The following SUPT3H variants were observed in gnomAD, a reference collection of about 807,000 sequenced individuals.
SUPT3H encodes transcription initiation protein SPT3 homolog.
SUPT3H carries 44 observed loss-of-function variants against 44.3 expected under a neutral mutation model. The ratio of observed to expected loss-of-function variants is 0.99; its 90% CI spans 0.78 to 1.28. The LOEUF (loss-of-function observed/expected upper bound fraction) is 1.28. SUPT3H is among the 50% of genes most tolerant of loss of function. The pLI is 0.00. For synonymous variants in SUPT3H, 124 were observed against 125.6 expected (o/e 0.99, Z 0.09); for missense variants, 380 against 387.1 (o/e 0.98, Z 0.15).
chr6:45,053,740 CAAAAAAAA>C (rs57736879), intron 3 of SUPT3H, among the ~76,000 whole-genome samples: 26 of 59,444 alleles, frequency 4.4e-4, no homozygotes, highest in African/African-American at 1.6e-3. Context: ...ACTAAAAATA[CAAAAAAAA>C]AAAAAAAAAA....
At position 45,158,290 on chromosome 6, in the gene SUPT3H, A is replaced by ATTTTTTTTTTT. The variant is rs1562572907; in HGVS notation, c.102-52285_102-52284insAAAAAAAAAAA. Among the ~76,000 whole-genome samples, 2 of 39,788 alleles carry ATTTTTTTTTTT rather than the reference A, an allele frequency of 5.0e-5. 1 individual carries two copies. Among genetic ancestry groups the ATTTTTTTTTTT allele is most frequent in the Non-Finnish European group, 1.1e-4 (2 of 18,506 alleles). 26.1% of individuals were successfully genotyped at this position (39,788 alleles called of 152,430 possible). A position where few individuals can be genotyped will look rare whatever the true frequency, so the allele number is the denominator to read the frequency against. ...TATAAATATACATATATATATATAT[A>ATTTTTTTTTTT]TATATATATTTTTTTTTTTTTTTTT... On this transcript the variant is annotated intron_variant, in intron 2 of 10. Coordinates refer to ENST00000371459, the MANE Select transcript of SUPT3H (RefSeq NM_003599.4).
intron 2 of SUPT3H, among the ~76,000 whole-genome samples, chr6:45,324,954 C>T (rs887205937): frequency 1.3e-5 from 2 of 151,806 alleles, no homozygotes; most frequent in Admixed American, 1.3e-4. Flanking sequence ...ACAGATGAAA[C>T]TATACATATT....
chr6:45,048,047 A>G (rs1173057594), intron 3 of SUPT3H, among the ~76,000 whole-genome samples: 4 of 152,086 alleles, frequency 2.6e-5, no homozygotes, highest in Non-Finnish European at 5.9e-5. Context: ...ACTCTGGAAT[A>G]GACAAAGAGC....
Position 45,288,599 on chromosome 6 carries a change from GTATATATATATATGTATATATATA to G in SUPT3H, c.101+76578_101+76601del, listed in dbSNP as rs1562883063. On this transcript the variant is annotated intron_variant, in intron 2 of 10. Coordinates refer to ENST00000371459, the MANE Select transcript of SUPT3H (RefSeq NM_003599.4). ...TATATATATGTATATATATATATGT[GTATATATATATATGTATATATATA>G]TATATATATATAGCAAAGCATTTTT... 1.8e-4 allele frequency among the ~76,000 whole-genome samples: 6 copies of G among 32,448 alleles called. No individual in the cohort carries two copies. The South Asian group carries it at 3.8e-3, about 20-fold the overall frequency. 21.3% of individuals were successfully genotyped at this position (32,448 alleles called of 152,430 possible). A position where few individuals can be genotyped will look rare whatever the true frequency, so the allele number is the denominator to read the frequency against.
At chr6:45,139,743 G>A (rs1804865092) in intron 2 of SUPT3H, among the ~76,000 whole-genome samples, 1 of 152,162 alleles carries the variant, frequency 6.6e-6, no homozygotes, top group Admixed American at 6.5e-5. Context: ...GGCACTCCCA[G>A]TCTATAACAT....
rs865966978 is a variant in SUPT3H at position 45,290,457 on chromosome 6, A to T, written c.101+74744T>A. ...GAAAAAGATCAGGGCATGGATGATC[A>T]AAAAAAAAAAAAAAAAGCAGAGGGT... is the stretch of plus-strand genomic sequence containing the variant. On this transcript the variant is annotated intron_variant, in intron 2 of 10. Transcript: ENST00000371459. Among the ~76,000 whole-genome samples, 233 of 148,674 alleles carry T rather than the reference A, an allele frequency of 1.6e-3. 6 individuals are homozygous for T. The highest frequency in any genetic ancestry group is 3.8e-3 in the African/African-American group (154 of 40,614).
At chr6:45,019,499 C>T (rs962165441) in intron 4 of SUPT3H, among the ~76,000 whole-genome samples, 2 of 151,840 alleles carry the variant, frequency 1.3e-5, no homozygotes, top group Admixed American at 6.6e-5. Context: ...TTTATTAGAC[C>T]GTAATGCTGC....
At chr6:45,055,726 A>G (rs533336354) in intron 3 of SUPT3H, among the ~76,000 whole-genome samples, 3 of 152,214 alleles carry the variant, frequency 2.0e-5, no homozygotes, top group Non-Finnish European at 2.9e-5. Flanking sequence ...ATTCTAGAGG[A>G]TAACCTTGGA....
At chr6:44,846,583 A>G (rs1426920085) in intron 10 of SUPT3H, among the ~76,000 whole-genome samples, 1 of 152,090 alleles carries the variant, frequency 6.6e-6, no homozygotes, top group Non-Finnish European at 1.5e-5. Flanking sequence ...TTTGGAGAGA[A>G]CAGGGGAGGG....
At chr6:45,228,505 G>C (rs552198740) in intron 2 of SUPT3H, among the ~76,000 whole-genome samples, 1 of 152,142 alleles carries the variant, frequency 6.6e-6, no homozygotes, top group Non-Finnish European at 1.5e-5. Context: ...GATTCAAATT[G>C]GTATGTTGGC....
At chr6:45,012,822 T>C (rs1000224242) in intron 5 of SUPT3H, among the ~76,000 whole-genome samples, 4 of 152,160 alleles carry the variant, frequency 2.6e-5, no homozygotes, top group Admixed American at 6.6e-5. Flanking sequence ...GGGCTTGTCA[T>C]TGTTTATTTC....
rs151140611 is a variant in SUPT3H at position 45,346,210 on chromosome 6, CTT to C, written c.101+18989_101+18990del. On this transcript the variant is annotated intron_variant, in intron 2 of 10. Coordinates refer to ENST00000371459, the MANE Select transcript of SUPT3H (RefSeq NM_003599.4). ...CTATGTGTGTAAGATTCTCACTCTA[CTT>C]ATGTATATATGTAAATATATATAAT... is the stretch of plus-strand genomic sequence containing the variant. 7.0e-3 allele frequency among the ~76,000 whole-genome samples: 1,061 copies of C among 152,184 alleles called. 18 individuals carry two copies. Among genetic ancestry groups the C allele is most frequent in the African/African-American group, 0.024 (1,010 of 41,496 alleles).
At position 44,986,979 on chromosome 6, in the gene SUPT3H, C is replaced by T. The variant is rs947235894; in HGVS notation, c.504+16674G>A. Among the ~76,000 whole-genome samples, 6 of 152,040 alleles carry T rather than the reference C, an allele frequency of 3.9e-5. No individual in the cohort carries two copies. The East Asian group carries it at 1.2e-3, about 29-fold the overall frequency. ...CTGCTGGGGCTGCCATAACAAAATA[C>T]CATAGAATAGGTGGCTTAAACAACA... On this transcript the variant is annotated intron_variant, in intron 6 of 10. Transcript: ENST00000371459.
At chr6:44,869,730 T>C (rs116763100) in intron 10 of SUPT3H, among the ~76,000 whole-genome samples, 6,403 of 152,294 alleles carry the variant, frequency 0.042, 175 homozygotes, top group Admixed American at 0.078. Flanking sequence ...AGATATAGCA[T>C]AATTATCTCA....
At chr6:45,222,416 G>C (rs1387294820) in intron 2 of SUPT3H, among the ~76,000 whole-genome samples, 3 of 152,112 alleles carry the variant, frequency 2.0e-5, no homozygotes, top group Non-Finnish European at 4.4e-5. Flanking sequence ...ATGACATACA[G>C]ATGGCAAATA....
chr6:45,030,447 T>C (rs140462207), intron 3 of SUPT3H, among the ~76,000 whole-genome samples: 176 of 152,348 alleles, frequency 1.2e-3, no homozygotes, highest in African/African-American at 4.0e-3. Flanking sequence ...TAGCCCTTAC[T>C]TGTTTCTTCA....
At chr6:45,264,919 A>T (rs1161945492) in intron 2 of SUPT3H, among the ~76,000 whole-genome samples, 1 of 152,130 alleles carries the variant, frequency 6.6e-6, no homozygotes, top group Non-Finnish European at 1.5e-5. Context: ...AGAAGGCAAA[A>T]CATATCCGAA....
At chr6:44,982,121 G>C (rs1779174016) in intron 6 of SUPT3H, among the ~76,000 whole-genome samples, 1 of 152,180 alleles carries the variant, frequency 6.6e-6, no homozygotes, top group Non-Finnish European at 1.5e-5. Context: ...TAAGATTTAA[G>C]AGATAAGACA....
chr6:44,993,633 A>T (rs1239252950), intron 6 of SUPT3H, among the ~76,000 whole-genome samples: 5 of 152,156 alleles, frequency 3.3e-5, no homozygotes, highest in Non-Finnish European at 7.4e-5. Context: ...TCTAAATCAA[A>T]TAATACTACC....
Sources: gnomAD v4.1 joint callset for allele counts (sites outside exome capture counted in the v4.1 genomes callset) on GRCh38, gnomAD v4.1.1 for gene constraint, MANE v1.5 for transcripts, NCBI Gene and HGNC (gene_info 2026-07-23, HGNC 2026-07-21) for gene names.